Variants in AUTS2 observed in about 807,000 individuals in gnomAD.
AUTS2 encodes the protein autism susceptibility gene 2 protein.
In AUTS2, 17 loss-of-function variants were observed where a neutral mutation model predicts 112.4. The ratio of observed to expected loss-of-function variants is 0.15; its 90% confidence interval spans 0.10 to 0.23. The LOEUF (loss-of-function observed/expected upper bound fraction) is 0.23, where lower values mean the gene tolerates loss of function less well. AUTS2 is among the 10% of genes least tolerant of loss of function. The probability of loss-of-function intolerance (pLI) is 1.00; values close to 1 mark genes in which losing one functional copy is unlikely to be tolerated. For missense variants in AUTS2, 1,510 were observed against 1,701.6 expected, an observed-to-expected ratio of 0.89 and a Z score of 1.98; for synonymous variants, 751 against 702.7, an observed-to-expected ratio of 1.07 and a Z score of -1.09.
At chr7:70,312,531 A>G (rs1221544597) in intron 4 of AUTS2, among the ~76,000 whole-genome samples, 1 of 152,326 alleles carries the variant, frequency 6.6e-6, no homozygotes, top group Non-Finnish European at 1.5e-5. Context: ...CCACTTAAGT[A>G]TTTCTGATCT....
chr7:69,601,827 C>T (rs1042087809), intron 1 of AUTS2, among the ~76,000 whole-genome samples: 2 of 151,984 alleles, frequency 1.3e-5, no homozygotes, highest in Non-Finnish European at 2.9e-5. Flanking sequence ...GAAATGGCAG[C>T]ATGTTCCTAT....
intron 4 of AUTS2, among the ~76,000 whole-genome samples, chr7:70,228,305 A>G (rs1221427118): frequency 6.6e-6 from 1 of 151,052 alleles, no homozygotes; most frequent in Non-Finnish European, 1.5e-5. Context: ...TTTTAAACTT[A>G]TTTTTGCATT....
chr7:69,720,655 C>T lies in AUTS2; in HGVS notation c.309+120693C>T, dbSNP rs142446608. Among the ~76,000 whole-genome samples, 3 of 152,182 alleles carry T rather than the reference C, an allele frequency of 2.0e-5. No homozygotes were observed. The East Asian group carries it at 5.8e-4, about 29-fold the overall frequency. ...TTGAAATGAAATAATTGTAGGGGCA[C>T]ATAACAGTTAAGCTTTAGAGTAACA... On this transcript the variant is annotated intron_variant, in intron 1 of 18. Coordinates refer to ENST00000342771, the MANE Select transcript of AUTS2 (RefSeq NM_015570.4).
chr7:70,169,752 T>C (rs1310812997), intron 4 of AUTS2, among the ~76,000 whole-genome samples: 1 of 152,232 alleles, frequency 6.6e-6, no homozygotes, highest in Non-Finnish European at 1.5e-5. Context: ...CATTTAAATA[T>C]CTACCAATTC....
At chr7:70,712,983 A>T (rs1230674292) in intron 6 of AUTS2, among the ~76,000 whole-genome samples, 1 of 152,148 alleles carries the variant, frequency 6.6e-6, no homozygotes, top group African/African-American at 2.4e-5. Flanking sequence ...ACCATTTCCA[A>T]TCCTTCCACT....
intron 5 of AUTS2, among the ~76,000 whole-genome samples, chr7:70,695,223 C>A: frequency 6.6e-6 from 1 of 152,148 alleles, no homozygotes; most frequent in East Asian, 2.0e-4. Context: ...CTTCTTTCCT[C>A]CCCCCTCTGC....
intron 1 of AUTS2, among the ~76,000 whole-genome samples, chr7:69,860,652 A>G (rs1371912600): frequency 6.6e-6 from 1 of 151,596 alleles, no homozygotes; most frequent in Non-Finnish European, 1.5e-5. Flanking sequence ...AGCAAACACA[A>G]GGGCACATGT....
At chr7:70,058,090 T>C (rs538831502) in intron 2 of AUTS2, among the ~76,000 whole-genome samples, 1 of 152,304 alleles carries the variant, frequency 6.6e-6, no homozygotes, top group Admixed American at 6.5e-5. Context: ...ATACCTCCTA[T>C]ATTTTGGACT....
chr7:70,700,767 T>G (rs1809411005), intron 6 of AUTS2, among the ~76,000 whole-genome samples: 1 of 152,192 alleles, frequency 6.6e-6, no homozygotes, highest in African/African-American at 2.4e-5. Flanking sequence ...CTTGTGGTTT[T>G]GGGTCTGTTT....
intron 1 of AUTS2, among the ~76,000 whole-genome samples, chr7:69,646,825 G>A (rs1277803084): frequency 6.6e-6 from 1 of 152,174 alleles, no homozygotes; most frequent in Non-Finnish European, 1.5e-5. Context: ...GGTGGCTCAC[G>A]CCTGTAATCC....
chr7:70,749,075 A>G (rs1788640189), intron 6 of AUTS2, among the ~76,000 whole-genome samples: 1 of 152,050 alleles, frequency 6.6e-6, no homozygotes, highest in African/African-American at 2.4e-5. Flanking sequence ...TTTCGTGAAT[A>G]TGTTGTTTTT....
intron 1 of AUTS2, among the ~76,000 whole-genome samples, chr7:69,679,887 T>C (rs2129167013): frequency 6.6e-6 from 1 of 152,244 alleles, no homozygotes; most frequent in African/African-American, 2.4e-5. Context: ...TTGAGAAAAT[T>C]TTTTTTTAAC....
chr7:69,866,940 A>G (rs889079427), intron 1 of AUTS2, among the ~76,000 whole-genome samples: 1 of 152,210 alleles, frequency 6.6e-6, no homozygotes, highest in Admixed American at 6.5e-5. Context: ...CCAGTGCTTG[A>G]TGCTTCTGTC....
intron 4 of AUTS2, among the ~76,000 whole-genome samples, chr7:70,197,415 T>C (rs1363003133): frequency 6.7e-6 from 1 of 149,560 alleles, no homozygotes; most frequent in Non-Finnish European, 1.5e-5. Flanking sequence ...GATTTCTGCA[T>C]TTCCATCTGA....
intron 4 of AUTS2, among the ~76,000 whole-genome samples, chr7:70,246,759 G>A (rs1377717297): frequency 6.6e-6 from 1 of 151,850 alleles, no homozygotes; most frequent in East Asian, 1.9e-4. Flanking sequence ...CATTGGAATT[G>A]CATTGTTTAT....
intron 5 of AUTS2, among the ~76,000 whole-genome samples, chr7:70,549,395 C>T (rs1281394835): frequency 6.6e-6 from 1 of 152,180 alleles, no homozygotes. Context: ...AATTAAAACT[C>T]ATCCAAAGTC....
At chr7:69,985,615 C>G (rs879318198) in intron 2 of AUTS2, among the ~76,000 whole-genome samples, 9 of 152,314 alleles carry the variant, frequency 5.9e-5, no homozygotes, top group Non-Finnish European at 4.4e-5. Flanking sequence ...CATCTAGGTC[C>G]TCAGGATTCC....
intron 1 of AUTS2, among the ~76,000 whole-genome samples, chr7:69,800,946 A>G (rs1790054648): frequency 6.6e-6 from 1 of 152,084 alleles, no homozygotes; most frequent in Admixed American, 6.6e-5. Flanking sequence ...ATTCTACATA[A>G]ATAACACTTC....
At chr7:70,414,703 G>A (rs187086767) in intron 4 of AUTS2, among the ~76,000 whole-genome samples, 9 of 152,230 alleles carry the variant, frequency 5.9e-5, no homozygotes, top group Non-Finnish European at 1.2e-4. Context: ...GACACACACC[G>A]AAAAGGCCTG....
Sources: gnomAD v4.1 joint callset for allele counts (sites outside exome capture counted in the v4.1 genomes callset) on GRCh38, gnomAD v4.1.1 for gene constraint, MANE v1.5 for transcripts, NCBI Gene and HGNC (gene_info 2026-07-23, HGNC 2026-07-21) for gene names.